GRIN2B: variants seen among roughly 807,000 people sequenced by gnomAD.
The protein encoded by GRIN2B is glutamate ionotropic receptor NMDA type subunit 2B.
GRIN2B carries 5 observed loss-of-function variants against 114.5 expected under a neutral mutation model. That is an observed-to-expected ratio of 0.04 (90% CI 0.02 to 0.09). The LOEUF is 0.09. GRIN2B is among the 10% of genes least tolerant of loss of function. The probability of loss-of-function intolerance (pLI) is 1.00; values close to 1 mark genes in which losing one functional copy is unlikely to be tolerated. For missense variants in GRIN2B, 1,108 were observed against 1,943.5 expected, an observed-to-expected ratio of 0.57 and a Z score of 8.08; for synonymous variants, 787 against 745.1, an observed-to-expected ratio of 1.06 and a Z score of -0.92.
Position 13,561,666 on chromosome 12 carries a change from T to C in GRIN2B, c.*1117A>G, listed in dbSNP as rs1041062227. ...GCTCAAAAGAGCTTTGTAGAATCTT[T>C]TGCTCCCAAGTGTGGGCAAAAGAAT... On this transcript the variant is annotated 3_prime_UTR_variant, in exon 14 of 14. Transcript: ENST00000609686. 4 of 152,618 alleles carry C rather than the reference T, an allele frequency of 2.6e-5. No individual in the cohort carries two copies. Among genetic ancestry groups the C allele is most frequent in the Non-Finnish European group, 5.9e-5 (4 of 68,020 alleles). 9.5% of individuals were successfully genotyped at this position (152,618 alleles called of 1,614,324 possible). A position where few individuals can be genotyped will look rare whatever the true frequency, so the allele number is the denominator to read the frequency against.
chr12:13,902,857 G>A (rs1866475552), intron 2 of GRIN2B, among the ~76,000 whole-genome samples: 1 of 152,200 alleles, frequency 6.6e-6, no homozygotes, highest in Non-Finnish European at 1.5e-5. Flanking sequence ...TGGTTGCCAA[G>A]ACTTGCCAAT....
intron 4 of GRIN2B, among the ~76,000 whole-genome samples, chr12:13,747,672 G>A (rs147571787): frequency 1.3e-5 from 2 of 152,238 alleles, no homozygotes; most frequent in African/African-American, 2.4e-5. Flanking sequence ...CAGCTATACC[G>A]CTTATTACTA....
intron 2 of GRIN2B, among the ~76,000 whole-genome samples, chr12:13,978,865 T>G (rs1282266876): frequency 2.0e-5 from 3 of 152,228 alleles, no homozygotes; most frequent in Non-Finnish European, 2.9e-5. Context: ...CTAAGTCTTT[T>G]CCATTTCTCC....
At chr12:13,872,369 T>C (rs1195879627) in intron 2 of GRIN2B, among the ~76,000 whole-genome samples, 1 of 148,842 alleles carries the variant, frequency 6.7e-6, no homozygotes, top group East Asian at 2.0e-4. Context: ...GGCAGGAGAA[T>C]CCCTTGAACA....
chr12:13,827,897 G>C (rs1865076167), intron 3 of GRIN2B, among the ~76,000 whole-genome samples: 1 of 152,176 alleles, frequency 6.6e-6, no homozygotes, highest in Non-Finnish European at 1.5e-5. Context: ...GGCCAGGCTG[G>C]TCTCGAACTC....
In GRIN2B at chr12:13,866,202, G is replaced by T; in HGVS notation, c.7C>A (p.Pro3Thr). MKPRAECCSPKFW... is the reference protein window; with the variant it reads MKTRAECCSPKFW... ...TTGGGAGAACAGCACTCCGCTCTGG[G>T]CTTCATCTTCAACTCGTCGACTCCC... The change falls in exon 3 of 14, where the codon CCC (proline) becomes ACC (threonine). Residue 3 changes from proline (P) to threonine (T), a missense_variant. Around this residue, in one of 19 missense-constraint regions of GRIN2B, gnomAD observed 46 missense variants for 44.4 expected, o/e 1.04. Coordinates refer to ENST00000609686, the MANE Select transcript of GRIN2B (RefSeq NM_000834.5). 1 of 1,607,876 alleles carries T rather than the reference G, an allele frequency of 6.2e-7. No homozygotes were observed. The highest frequency in any genetic ancestry group is 8.5e-7 in the Non-Finnish European group (1 of 1,179,912).
At chr12:13,573,814 C>G (rs7953807) in intron 10 of GRIN2B, among the ~76,000 whole-genome samples, 3,717 of 152,194 alleles carry the variant, frequency 0.024, 156 homozygotes, top group African/African-American at 0.083. Context: ...ATCTCAGCAC[C>G]AGGAGCCATA....
At chr12:13,910,579 G>C (rs1387814552) in intron 2 of GRIN2B, among the ~76,000 whole-genome samples, 4 of 152,022 alleles carry the variant, frequency 2.6e-5, no homozygotes, top group Non-Finnish European at 5.9e-5. Flanking sequence ...TTCTGGCCAG[G>C]ATTATTGCAA....
chr12:13,748,603 C>T (rs1206321875), intron 4 of GRIN2B, among the ~76,000 whole-genome samples: 1 of 152,158 alleles, frequency 6.6e-6, no homozygotes, highest in Non-Finnish European at 1.5e-5. Context: ...CAAGAAAATT[C>T]TTCCCTTAGA....
At chr12:13,838,479 G>T (rs1397352048) in intron 3 of GRIN2B, among the ~76,000 whole-genome samples, 9 of 152,074 alleles carry the variant, frequency 5.9e-5, no homozygotes, top group Non-Finnish European at 1.3e-4. Flanking sequence ...AAAAATAACT[G>T]AATTATCCAT....
chr12:13,787,334 G>T (rs1342944134), intron 3 of GRIN2B, among the ~76,000 whole-genome samples: 1 of 152,194 alleles, frequency 6.6e-6, no homozygotes, highest in Non-Finnish European at 1.5e-5. Context: ...TAGTCTAGGA[G>T]ACAGAAAGGA....
intron 5 of GRIN2B, among the ~76,000 whole-genome samples, chr12:13,662,122 G>A (rs544664259): frequency 6.6e-6 from 1 of 152,212 alleles, no homozygotes; most frequent in South Asian, 2.1e-4. Context: ...AACAATGAAG[G>A]TTAATGCTTC....
intron 2 of GRIN2B, among the ~76,000 whole-genome samples, chr12:13,932,253 T>C (rs774270453): frequency 6.6e-6 from 1 of 152,234 alleles, no homozygotes; most frequent in Non-Finnish European, 1.5e-5. Context: ...CCACTCTCTT[T>C]GATCTATCAG....
intron 2 of GRIN2B, among the ~76,000 whole-genome samples, chr12:13,884,321 G>T (rs962302370): frequency 6.6e-6 from 1 of 151,976 alleles, no homozygotes; most frequent in East Asian, 1.9e-4. Flanking sequence ...TTTAAGAAAC[G>T]TAGACACCTT....
At chr12:13,795,646 A>G (rs220561) in intron 3 of GRIN2B, among the ~76,000 whole-genome samples, 72,872 of 152,044 alleles carry the variant, frequency 0.48, 17,705 homozygotes, top group East Asian at 0.71. Flanking sequence ...TGTTTATTGC[A>G]GCACTGTTCA....
chr12:13,812,391 A>C (rs909156024), intron 3 of GRIN2B, among the ~76,000 whole-genome samples: 1 of 152,160 alleles, frequency 6.6e-6, no homozygotes, highest in Non-Finnish European at 1.5e-5. Context: ...ATTTGGACTG[A>C]ATTTTATTTG....
In GRIN2B at chr12:13,562,883, G is replaced by A. The variant is rs756790727; in HGVS notation, c.4355C>T (p.Ser1452Phe). Residue 1452 changes from serine (S) to phenylalanine (F), a missense_variant, in exon 14 of 14, where the codon TCC becomes TTC. Physicochemically the swap from Ser to Phe is radical, Grantham distance 155. This residue lies in a region of GRIN2B where 478 missense variants were observed against 506.0 expected (regional missense o/e 0.94). Coordinates refer to ENST00000609686, the MANE Select transcript of GRIN2B (RefSeq NM_000834.5). ...TTTGTTGTTAGGCACACAGGGGTTG[G>A]ACTGGTTCCCTATACAGATGTCCTT... ...FQKDICIGNQ[S>F]NPCVPNNKNP... is the part of the protein sequence containing the mutation. The A allele has an allele frequency of 1.2e-5, 20 of 1,614,144 alleles. No individual in the cohort carries two copies. Among genetic ancestry groups the A allele is most frequent in the Non-Finnish European group, 1.7e-5 (20 of 1,179,972 alleles).
At chr12:13,839,834 G>C (rs1020168680) in intron 3 of GRIN2B, among the ~76,000 whole-genome samples, 1 of 152,150 alleles carries the variant, frequency 6.6e-6, no homozygotes, top group African/African-American at 2.4e-5. Flanking sequence ...AGCTTCTTTA[G>C]TGACTCATAA....
chr12:13,655,175 C>A (rs578030435), intron 5 of GRIN2B, among the ~76,000 whole-genome samples: 4 of 151,948 alleles, frequency 2.6e-5, no homozygotes, highest in Non-Finnish European at 5.9e-5. Flanking sequence ...ACCAAAAAAC[C>A]CACCGAGCAC....
Sources: allele counts gnomAD v4.1 joint callset (sites outside exome capture counted in the v4.1 genomes callset), GRCh38; gene constraint gnomAD v4.1.1; regional missense constraint gnomAD v4.1.1; transcripts MANE v1.5; gene names NCBI Gene and HGNC (gene_info 2026-07-23, HGNC 2026-07-21).